The following LMO3 variants were observed in gnomAD, a reference collection of about 807,000 sequenced individuals.
The protein encoded by LMO3 is LIM domain only 3.
LMO3 carries 2 observed loss-of-function variants against 15.8 expected under a neutral mutation model. The observed-to-expected ratio is 0.13, with a 90% CI of 0.05 to 0.40. LMO3 has a LOEUF of 0.40. Ranked by LOEUF, LMO3 falls within the 10% of genes least tolerant of loss-of-function variation. The pLI is 0.99. For missense variants in LMO3, 86 were observed against 182.2 expected, an observed-to-expected ratio of 0.47 and a Z score of 3.04; for synonymous variants, 62 against 63.8, an observed-to-expected ratio of 0.97 and a Z score of 0.13.
chr12:16,569,074 C>T (rs1565490693), intron 2 of LMO3, among the ~76,000 whole-genome samples: 1 of 152,236 alleles, frequency 6.6e-6, no homozygotes, highest in East Asian at 1.9e-4. Context: ...GTGTTAATTC[C>T]TTTCTAAACT....
chr12:16,609,093 G>GA (rs1193685919), upstream of LMO3: 3 of 152,048 alleles, frequency 2.0e-5, no homozygotes, highest in Admixed American at 6.6e-5. Context: ...ATTATTCACA[G>GA]AAAAAATCAT....
chr12:16,606,359 C>G (rs1222462723), upstream of LMO3: 2 of 152,458 alleles, frequency 1.3e-5, no homozygotes, highest in Admixed American at 6.5e-5. Flanking sequence ...TGCGAGGAGC[C>G]GAGCTGAAGG....
At chr12:16,563,961 A>G (rs1942496087) in intron 2 of LMO3, among the ~76,000 whole-genome samples, 1 of 152,186 alleles carries the variant, frequency 6.6e-6, no homozygotes, top group Non-Finnish European at 1.5e-5. Context: ...TGTTCATAGT[A>G]GGCCTTAAGC....
chr12:16,563,088 A>C (rs1465344660), intron 2 of LMO3, among the ~76,000 whole-genome samples: 1 of 152,086 alleles, frequency 6.6e-6, no homozygotes, highest in African/African-American at 2.4e-5. Context: ...ATCAGTTTCC[A>C]TCTACACCTG....
chr12:16,599,988 A>C lies in LMO3; in HGVS notation c.206+667T>G, dbSNP rs1367349240. The C allele has an allele frequency of 6.6e-6, 1 of 152,132 alleles. No homozygotes were observed. The highest frequency in any genetic ancestry group is 2.4e-5 in the African/African-American group (1 of 41,404). 9.4% of individuals were successfully genotyped at this position (152,132 alleles called of 1,614,324 possible). On this transcript the variant is annotated intron_variant, in intron 2 of 3. Coordinates refer to ENST00000537304, the MANE Select transcript of LMO3 (RefSeq NM_018640.5). The surrounding 1 kb of genome is among the most constrained non-coding windows in gnomAD (Gnocchi z 4.1). ...TTTTGAGATTCCCGTTTAGAATGTC[A>C]TGAGGTGGGGCGAGAGGAAGATGTA...
chr12:16,604,972 G>T lies in LMO3; in HGVS notation c.-9+1094C>A. The stretch of plus-strand genomic sequence containing the variant: ...GGTAGAAGTAGAAGGGGGTCTCCTT[G>T]ATTTCGCTTAAGTGTGGACCTGGTG... On this transcript the variant is annotated intron_variant, in intron 1 of 3. Coordinates refer to ENST00000537304, the MANE Select transcript of LMO3 (RefSeq NM_018640.5). This position sits in a 1 kb window ranked among gnomAD's most constrained non-coding sequence, Gnocchi z 5.3. 1 of 1,597,652 alleles carries T rather than the reference G, an allele frequency of 6.3e-7. No homozygotes were observed. Among genetic ancestry groups the T allele is most frequent in the Non-Finnish European group, 8.5e-7 (1 of 1,179,398 alleles).
At chr12:16,561,633 T>C (rs1218435139) in intron 2 of LMO3, among the ~76,000 whole-genome samples, 2 of 152,366 alleles carry the variant, frequency 1.3e-5, no homozygotes, top group East Asian at 3.9e-4. Context: ...GGCACAAATG[T>C]GCTGAAGTCT....
rs1943482180 is a variant in LMO3 at position 16,591,072 on chromosome 12, G to T, written c.206+9583C>A. On this transcript the variant is annotated intron_variant, in intron 2 of 3. Transcript: ENST00000537304. This position sits in a 1 kb window ranked among gnomAD's most constrained non-coding sequence, Gnocchi z 4.1. ...GCTTTACAATGGTTTTCAAATTGAAGTATTATCACTTTTCTAGGGGACATT... is the reference window on the plus strand; with the variant it reads ...GCTTTACAATGGTTTTCAAATTGAATTATTATCACTTTTCTAGGGGACATT... Among the ~76,000 whole-genome samples, 1 of 152,022 alleles carries T rather than the reference G, an allele frequency of 6.6e-6. No homozygotes were observed. The highest frequency in any genetic ancestry group is 2.4e-5 in the African/African-American group (1 of 41,408).
intron 1 of LMO3, chr12:16,605,034 C>T (rs1591838231): frequency 1.3e-6 from 2 of 1,546,772 alleles, no homozygotes; most frequent in Non-Finnish European, 1.7e-6. Flanking sequence ...TATTGTGAAG[C>T]CACTTTGGGA....
chr12:16,606,163 GAA>G (rs66532730), upstream of LMO3: 1,567 of 145,658 alleles, frequency 0.011, 2 homozygotes, highest in South Asian at 0.02. Context: ...AGCATTGTTT[GAA>G]AAAAAAAAAA....
intron 2 of LMO3, among the ~76,000 whole-genome samples, chr12:16,571,923 T>G (rs1448678789): frequency 6.6e-6 from 1 of 151,982 alleles, no homozygotes; most frequent in Non-Finnish European, 1.5e-5. Context: ...TACATACACA[T>G]TTTTTAAATT....
chr12:16,590,199 C>T (rs978773133), intron 2 of LMO3, among the ~76,000 whole-genome samples: 3 of 151,968 alleles, frequency 2.0e-5, no homozygotes, highest in Admixed American at 1.3e-4. Context: ...TAACTTTTGG[C>T]TTTGAGGATT....
rs1943735553 is a variant in LMO3, at chr12:16,598,792, A to G, written c.206+1863T>C. ...CAGCTAAGAAGCATGTTATACTCAC[A>G]ATATAGGTATTTCCTTGGCAAATTT... On this transcript the variant is annotated intron_variant, in intron 2 of 3. Transcript: ENST00000537304. The surrounding 1 kb of genome is among the most constrained non-coding windows in gnomAD (Gnocchi z 4.3). The G allele has an allele frequency of 5.6e-6, 1 of 176,992 alleles. No homozygotes were observed. The highest frequency in any genetic ancestry group is 6.1e-5 in the Admixed American group (1 of 16,504). The allele number at this position is 176,992 out of a possible 1,614,324, so 11.0% of individuals were successfully genotyped here. A position where few individuals can be genotyped will look rare whatever the true frequency, so the allele number is the denominator to read the frequency against.
At chr12:16,574,088 G>GA (rs913614192) in intron 2 of LMO3, 6 of 151,880 alleles carry the variant, frequency 4.0e-5, no homozygotes, top group African/African-American at 1.5e-4. Flanking sequence ...GATCCCTTTG[G>GA]AAAACCAACC....
At chr12:16,574,896 A>G (rs1242874538) in intron 2 of LMO3, among the ~76,000 whole-genome samples, 1 of 152,120 alleles carries the variant, frequency 6.6e-6, no homozygotes, top group Non-Finnish European at 1.5e-5. Context: ...AGTGATAGAA[A>G]TCTGGCCGAG....
In LMO3 at chr12:16,594,143, A is replaced by G. The variant is rs576744846; in HGVS notation, c.206+6512T>C. 1.4e-5 allele frequency: 21 copies of G among 1,532,346 alleles called. 1 individual carries two copies. In the East Asian group the frequency reaches 5.2e-4, roughly 38 times the overall value. 94.9% of individuals were successfully genotyped at this position (1,532,346 alleles called of 1,614,324 possible). A position where few individuals can be genotyped will look rare whatever the true frequency, so the allele number is the denominator to read the frequency against. On this transcript the variant is annotated intron_variant, in intron 2 of 3. Coordinates refer to ENST00000537304, the MANE Select transcript of LMO3 (RefSeq NM_018640.5). ...TACAAGTTTTAAAGCTTACCAAGCT[A>G]TGGTGATTTGTTGGCTAAAGTCAAT...
In LMO3 at chr12:16,587,629, A is replaced by G. The variant is rs1305563578; in HGVS notation, c.206+13026T>C. ...TGTCAGTGTATCATTTTTTTAAGCAATGGACCCTATAATAGCAAGCACTGG... is the reference window on the plus strand; with the variant it reads ...TGTCAGTGTATCATTTTTTTAAGCAGTGGACCCTATAATAGCAAGCACTGG... On this transcript the variant is annotated intron_variant, in intron 2 of 3. Coordinates refer to ENST00000537304, the MANE Select transcript of LMO3 (RefSeq NM_018640.5). This position sits in a 1 kb window ranked among gnomAD's most constrained non-coding sequence, Gnocchi z 4.3. 1.3e-5 allele frequency among the ~76,000 whole-genome samples: 2 copies of G among 152,014 alleles called. No homozygotes were observed. Among genetic ancestry groups the G allele is most frequent in the East Asian group, 3.9e-4 (2 of 5,170 alleles).
At position 16,548,960 on chromosome 12, in the gene LMO3, G is replaced by A. The variant is rs574403827; in HGVS notation, c.*2262C>T. 2.0e-5 allele frequency: 3 copies of A among 152,122 alleles called. No homozygotes were observed. Among genetic ancestry groups the A allele is most frequent in the Non-Finnish European group, 2.9e-5 (2 of 68,006 alleles). 9.4% of individuals were successfully genotyped at this position (152,122 alleles called of 1,614,324 possible). On this transcript the variant is annotated 3_prime_UTR_variant, in exon 4 of 4. Coordinates refer to ENST00000537304, the MANE Select transcript of LMO3 (RefSeq NM_018640.5). The surrounding 1 kb of genome is among the most constrained non-coding windows in gnomAD (Gnocchi z 4.2). ...ACCTTGTTTGGTCTTCCAGTGGCAAGGATAGTTGAACAACTTCAAGAAGCT... is the reference window on the plus strand; with the variant it reads ...ACCTTGTTTGGTCTTCCAGTGGCAAAGATAGTTGAACAACTTCAAGAAGCT...
At chr12:16,556,146 T>C (rs1273090423) in intron 3 of LMO3, among the ~76,000 whole-genome samples, 1 of 152,184 alleles carries the variant, frequency 6.6e-6, no homozygotes, top group Non-Finnish European at 1.5e-5. Context: ...ATTTTACATA[T>C]TTGGGAAAAT....
Sources: allele counts gnomAD v4.1 joint callset (sites outside exome capture counted in the v4.1 genomes callset), GRCh38; gene constraint gnomAD v4.1.1; non-coding constraint Gnocchi (gnomAD v3.1); transcripts MANE v1.5; gene names NCBI Gene and HGNC (gene_info 2026-07-23, HGNC 2026-07-21).